CAPZA1: variants seen among roughly 807,000 people sequenced by gnomAD.
CAPZA1 encodes the protein capping actin protein of muscle Z-line subunit alpha 1.
A neutral mutation model predicts 40.8 loss-of-function variants in CAPZA1; 10 were observed. The ratio of observed to expected loss-of-function variants is 0.25; its 90% CI spans 0.15 to 0.42. The LOEUF is 0.42. Ranked by LOEUF, CAPZA1 falls within the 10% of genes least tolerant of loss-of-function variation. The pLI, the probability that CAPZA1 is intolerant of heterozygous loss-of-function variation, is 1.00. For synonymous variants in CAPZA1, 98 were observed against 115.0 expected, an observed-to-expected ratio of 0.85 and a Z score of 0.95; for missense variants, 277 against 353.8, an observed-to-expected ratio of 0.78 and a Z score of 1.74.
chr1:112,658,496 T>C (rs987433369), intron 5 of CAPZA1, among the ~76,000 whole-genome samples: 2 of 152,258 alleles, frequency 1.3e-5, no homozygotes, highest in Non-Finnish European at 2.9e-5. Flanking sequence ...CTTCGTTTTA[T>C]CTTGAATACC....
At chr1:112,653,085 G>GT (rs1361582729) in intron 3 of CAPZA1, among the ~76,000 whole-genome samples, 4 of 152,310 alleles carry the variant, frequency 2.6e-5, no homozygotes, top group African/African-American at 9.6e-5. Context: ...CCAAAATAGT[G>GT]TATCAATGGA....
intron 1 of CAPZA1, chr1:112,626,079 C>G (rs1670799954): frequency 6.6e-6 from 1 of 152,500 alleles, no homozygotes; most frequent in Non-Finnish European, 1.5e-5. Flanking sequence ...TCCACAATAG[C>G]TGAGCAGTTG....
At position 112,670,030 on chromosome 1, in the gene CAPZA1, C is replaced by T. The variant is rs1671798751; in HGVS notation, c.759C>T (p.Thr253=). 7.4e-6 allele frequency: 12 copies of T among 1,613,860 alleles called. No individual in the cohort carries two copies. The highest frequency in any genetic ancestry group is 1.0e-5 in the Non-Finnish European group (12 of 1,179,818). ...AAAACTATCAAACAATGTCAGATAC[C>T]ACATTCAAGGCCTTGCGCCGGCAGC... ...ISENYQTMSD[T]TFKALRRQLP... is the part of the protein sequence containing the mutation. The change falls in exon 10 of 10, where the codon ACC becomes ACT. Residue 253 remains threonine (T), a synonymous_variant. Transcript: ENST00000263168.
chr1:112,654,489 C>T lies in CAPZA1; in HGVS notation c.244C>T (p.Leu82=), dbSNP rs1671459383. The T allele has an allele frequency of 1.2e-6, 2 of 1,613,430 alleles. No homozygotes were observed. The highest frequency in any genetic ancestry group is 1.7e-5 in the Admixed American group (1 of 59,990). ...DQVLITEHGD[L]GNSRFLDPRN... is the part of the protein sequence containing the mutation. The stretch of plus-strand genomic sequence containing the variant: ...GGTCTTAATTACAGAGCACGGTGAC[C>T]TGGGTAATAGCAGATTTTTAGATCC... The change falls in exon 5 of 10, where the codon CTG becomes TTG. Residue 82 remains leucine, a synonymous_variant. Coordinates refer to ENST00000263168, the MANE Select transcript of CAPZA1 (RefSeq NM_006135.3).
intron 3 of CAPZA1, among the ~76,000 whole-genome samples, chr1:112,652,081 A>G (rs1041635326): frequency 3.9e-5 from 6 of 152,038 alleles, no homozygotes; most frequent in Non-Finnish European, 8.8e-5. Flanking sequence ...AGATCGTACC[A>G]CAGCACTCTA....
chr1:112,636,457 TTTA>T (rs1354764820), intron 1 of CAPZA1, among the ~76,000 whole-genome samples: 1 of 152,198 alleles, frequency 6.6e-6, no homozygotes, highest in Non-Finnish European at 1.5e-5. Context: ...TGCTAGTAAT[TTTA>T]TTGTAATATT....
chr1:112,625,759 G>C (rs987031573), intron 1 of CAPZA1: 1 of 152,210 alleles, frequency 6.6e-6, no homozygotes, highest in Non-Finnish European at 1.5e-5. Context: ...GTCTTGCCAA[G>C]CATTTAGAGG....
intron 8 of CAPZA1, among the ~76,000 whole-genome samples, chr1:112,667,691 G>T (rs1671749511): frequency 6.6e-6 from 1 of 151,884 alleles, no homozygotes; most frequent in Non-Finnish European, 1.5e-5. Flanking sequence ...ATGCCACCAT[G>T]CCCAGCTAAT....
intron 1 of CAPZA1, among the ~76,000 whole-genome samples, chr1:112,637,031 C>G (rs1221068573): frequency 6.6e-6 from 1 of 152,324 alleles, no homozygotes; most frequent in East Asian, 1.9e-4. Flanking sequence ...AAAGGACAGT[C>G]AAATTCATGT....
At chr1:112,655,448 G>A (rs1381606560) in intron 5 of CAPZA1, among the ~76,000 whole-genome samples, 2 of 152,070 alleles carry the variant, frequency 1.3e-5, no homozygotes, top group Admixed American at 1.3e-4. Context: ...CTGCATTCCA[G>A]CCTGGGCAAC....
intron 8 of CAPZA1, among the ~76,000 whole-genome samples, chr1:112,667,950 A>G (rs1197951664): frequency 6.6e-6 from 1 of 151,890 alleles, no homozygotes; most frequent in Non-Finnish European, 1.5e-5. Context: ...GTTTTTGTTT[A>G]TGTGTTAGAT....
At chr1:112,649,164 C>T (rs1256450503) in intron 2 of CAPZA1, among the ~76,000 whole-genome samples, 3 of 152,210 alleles carry the variant, frequency 2.0e-5, no homozygotes, top group Non-Finnish European at 4.4e-5. Flanking sequence ...AGAATTAACA[C>T]TCTTTAACTG....
At chr1:112,644,861 G>T (rs978683860) in intron 1 of CAPZA1, among the ~76,000 whole-genome samples, 2 of 152,166 alleles carry the variant, frequency 1.3e-5, no homozygotes, top group Non-Finnish European at 2.9e-5. Context: ...ATGCCAAATA[G>T]ATAGGAGCCA....
intron 3 of CAPZA1, among the ~76,000 whole-genome samples, chr1:112,650,976 G>C (rs1023965460): frequency 5.3e-5 from 8 of 152,096 alleles, no homozygotes; most frequent in Non-Finnish European, 8.8e-5. Flanking sequence ...GAATTTTCCT[G>C]GACCCAAATA....
At chr1:112,652,834 A>G (rs1215437326) in intron 3 of CAPZA1, among the ~76,000 whole-genome samples, 1 of 152,202 alleles carries the variant, frequency 6.6e-6, no homozygotes, top group Non-Finnish European at 1.5e-5. Context: ...TGTAAAATGT[A>G]TTAGAGAGCC....
intron 1 of CAPZA1, chr1:112,625,865 T>A (rs572184630): frequency 1.6e-4 from 25 of 152,410 alleles, no homozygotes; most frequent in African/African-American, 6.0e-4. Flanking sequence ...AGCTTGTTGG[T>A]CTTTTTGGCA....
Position 112,670,362 on chromosome 1 carries a change from C to CTTTTTTTTT in CAPZA1, c.*241_*249dup, listed in dbSNP as rs58051216. The CTTTTTTTTT allele has an allele frequency of 1.7e-3, 256 of 150,126 alleles. 3 individuals carry two copies. The highest frequency in any genetic ancestry group is 7.3e-3 in the East Asian group (40 of 5,460). 9.3% of individuals were successfully genotyped at this position (150,126 alleles called of 1,614,324 possible). A position where few individuals can be genotyped will look rare whatever the true frequency, so the allele number is the denominator to read the frequency against. On this transcript the variant is annotated 3_prime_UTR_variant, in exon 10 of 10. Transcript: ENST00000263168. Reference sequence around the variant, plus strand: ...TATATCTACGTGTAAATCTTTTTTTCTTTTTTTTTTTTTTTTTTTGGTTAA... The same window carrying CTTTTTTTTT: ...TATATCTACGTGTAAATCTTTTTTTCTTTTTTTTTTTTTTTTTTTTTTTTTTTTGGTTAA...
intron 5 of CAPZA1, 35 bp from the exon 6 acceptor site, chr1:112,658,987 T>C (rs763455143): frequency 7.0e-7 from 1 of 1,434,152 alleles, no homozygotes; most frequent in South Asian, 1.1e-5. Context: ...TAAAAGTGTT[T>C]GGAGTCTTTA....
chr1:112,640,704 G>A (rs999007191), intron 1 of CAPZA1, among the ~76,000 whole-genome samples: 1 of 152,244 alleles, frequency 6.6e-6, no homozygotes, highest in Non-Finnish European at 1.5e-5. Flanking sequence ...CCTGGCCACC[G>A]CCCCGTCTGG....
Sources: allele counts gnomAD v4.1 joint callset (sites outside exome capture counted in the v4.1 genomes callset), GRCh38; gene constraint gnomAD v4.1.1; transcripts MANE v1.5; gene names NCBI Gene and HGNC (gene_info 2026-07-23, HGNC 2026-07-21).